The following LRMDA variants were observed in gnomAD, a reference collection of about 807,000 sequenced individuals.
The protein encoded by LRMDA is leucine rich melanocyte differentiation associated.
LRMDA carries 18 observed loss-of-function variants against 29.8 expected under a neutral mutation model. The observed-to-expected ratio is 0.60, with a 90% CI of 0.42 to 0.90. LRMDA has a LOEUF of 0.90. LRMDA is among the 40% of genes least tolerant of loss of function. LRMDA has a pLI of 0.00. For missense variants in LRMDA, 273 were observed against 273.9 expected, an observed-to-expected ratio of 1.00 and a Z score of 0.02; for synonymous variants, 125 against 109.4, an observed-to-expected ratio of 1.14 and a Z score of -0.89.
At chr10:76,196,041 T>A (rs543869743) in intron 5 of LRMDA, among the ~76,000 whole-genome samples, 12 of 152,210 alleles carry the variant, frequency 7.9e-5, no homozygotes, top group Admixed American at 7.2e-4. Context: ...GTCCCTGTGA[T>A]GATAATTAGT....
At chr10:75,920,893 A>G (rs552477199) in intron 2 of LRMDA, among the ~76,000 whole-genome samples, 1 of 152,294 alleles carries the variant, frequency 6.6e-6, no homozygotes, top group South Asian at 2.1e-4. Flanking sequence ...GATGTCTGAT[A>G]GGGTGTGCGG....
chr10:75,915,847 C>G (rs1390924193), intron 2 of LRMDA, among the ~76,000 whole-genome samples: 1 of 152,106 alleles, frequency 6.6e-6, no homozygotes, highest in African/African-American at 2.4e-5. Flanking sequence ...GAATACCAGG[C>G]CAGTGAGTTG....
chr10:76,326,999 T>C (rs1290072104), intron 6 of LRMDA, among the ~76,000 whole-genome samples: 2 of 152,210 alleles, frequency 1.3e-5, no homozygotes, highest in East Asian at 1.9e-4. Context: ...CAATTGTTCA[T>C]ATTCTACTTT....
intron 5 of LRMDA, among the ~76,000 whole-genome samples, chr10:76,261,364 G>A (rs1008512488): frequency 5.9e-5 from 9 of 151,858 alleles, no homozygotes; most frequent in Admixed American, 2.0e-4. Flanking sequence ...GAGCTACTGC[G>A]CCCGGCTGGC....
chr10:75,734,540 T>C (rs925606042), intron 2 of LRMDA, among the ~76,000 whole-genome samples: 10 of 152,216 alleles, frequency 6.6e-5, no homozygotes, highest in Admixed American at 6.5e-4. Flanking sequence ...ATTATATCAA[T>C]ATATAAGGAA....
intron 6 of LRMDA, among the ~76,000 whole-genome samples, chr10:76,362,128 A>C (rs983190186): frequency 7.9e-5 from 12 of 152,228 alleles, no homozygotes; most frequent in African/African-American, 2.9e-4. Flanking sequence ...CGACACTGCC[A>C]TAGCCTCTCA....
chr10:75,865,361 T>C (rs1484222253), intron 2 of LRMDA, among the ~76,000 whole-genome samples: 1 of 152,236 alleles, frequency 6.6e-6, no homozygotes, highest in Admixed American at 6.5e-5. Flanking sequence ...TTGTCAAAAC[T>C]GATCACGTTG....
chr10:76,435,221 A>G (rs114064833), intron 6 of LRMDA, among the ~76,000 whole-genome samples: 1,908 of 152,324 alleles, frequency 0.013, 33 homozygotes, highest in African/African-American at 0.043. Flanking sequence ...GAATGAGAAC[A>G]CTGAGGCTCT....
At chr10:76,325,756 T>A (rs1182477754) in intron 6 of LRMDA, among the ~76,000 whole-genome samples, 1 of 152,210 alleles carries the variant, frequency 6.6e-6, no homozygotes, top group Non-Finnish European at 1.5e-5. Context: ...ACTTGTAAAG[T>A]TTATCTGGCC....
intron 2 of LRMDA, among the ~76,000 whole-genome samples, chr10:75,686,663 C>T (rs546393203): frequency 1.3e-5 from 2 of 152,320 alleles, no homozygotes; most frequent in Admixed American, 6.5e-5. Context: ...ATATCATATT[C>T]TCCACATGTT....
intron 2 of LRMDA, among the ~76,000 whole-genome samples, chr10:75,787,677 G>A (rs1394696833): frequency 2.6e-5 from 4 of 152,192 alleles, no homozygotes; most frequent in African/African-American, 7.2e-5. Flanking sequence ...ACAGATACAA[G>A]TAATAGAGAT....
chr10:76,254,358 C>CCTATGCTATGCTATG (rs56303431), intron 5 of LRMDA, among the ~76,000 whole-genome samples: 17,059 of 131,358 alleles, frequency 0.13, 1,611 homozygotes, highest in South Asian at 0.25. Flanking sequence ...CCTATCCTAT[C>CCTATGCTATGCTATG]CTATGCTATG....
intron 2 of LRMDA, among the ~76,000 whole-genome samples, chr10:75,630,001 C>T (rs578053183): frequency 6.6e-6 from 1 of 152,252 alleles, no homozygotes; most frequent in South Asian, 2.1e-4. Flanking sequence ...TTATTAACAC[C>T]TACATTTTAA....
At chr10:76,424,406 G>A (rs758966136) in intron 6 of LRMDA, among the ~76,000 whole-genome samples, 6 of 152,142 alleles carry the variant, frequency 3.9e-5, no homozygotes, top group Non-Finnish European at 8.8e-5. Flanking sequence ...AGGCGTGGTG[G>A]CAGGCACCTG....
intron 5 of LRMDA, among the ~76,000 whole-genome samples, chr10:76,169,581 C>T (rs1021384759): frequency 2.0e-5 from 3 of 152,026 alleles, no homozygotes; most frequent in African/African-American, 7.2e-5. Flanking sequence ...TAAGAATTTT[C>T]TTTAGTGGTC....
At chr10:75,450,797 G>A (rs1258644932) in intron 2 of LRMDA, 4 of 152,350 alleles carry the variant, frequency 2.6e-5, no homozygotes, top group Non-Finnish European at 5.9e-5. Flanking sequence ...ATTCGGGCTC[G>A]AATGTCACCG....
intron 5 of LRMDA, among the ~76,000 whole-genome samples, chr10:76,118,801 A>G (rs1589335230): frequency 2.0e-5 from 3 of 150,952 alleles, no homozygotes; most frequent in African/African-American, 7.3e-5. Flanking sequence ...GTGGTTGTTT[A>G]AAGAAACCAG....
chr10:76,290,413 T>C (rs889601102), intron 5 of LRMDA, among the ~76,000 whole-genome samples: 4 of 44,002 alleles, frequency 9.1e-5, no homozygotes, highest in African/African-American at 1.9e-4. Flanking sequence ...TATTTTCTCT[T>C]TTTTTTTTTT....
chr10:75,435,729 G>A (rs962749929), intron 1 of LRMDA, among the ~76,000 whole-genome samples: 2 of 152,266 alleles, frequency 1.3e-5, no homozygotes, highest in Non-Finnish European at 2.9e-5. Flanking sequence ...GCTCTCCTTG[G>A]TGCTCCTGTT....
Sources: allele counts gnomAD v4.1 joint callset (sites outside exome capture counted in the v4.1 genomes callset), GRCh38; gene constraint gnomAD v4.1.1; transcripts MANE v1.5; gene names NCBI Gene and HGNC (gene_info 2026-07-23, HGNC 2026-07-21).